PCDH15: variants seen among roughly 807,000 people sequenced by gnomAD.
PCDH15 encodes the protein protocadherin related 15, also known as protocadherin-15.
Under a neutral mutation model 178.5 loss-of-function variants are expected in PCDH15, and 129 were observed. That is an observed-to-expected ratio of 0.72 (90% confidence interval 0.63 to 0.84). The LOEUF (loss-of-function observed/expected upper bound fraction) is 0.84, where lower values mean the gene tolerates loss of function less well. Ranked by LOEUF, PCDH15 falls within the 40% of genes least tolerant of loss-of-function variation. PCDH15 has a pLI of 0.00. For synonymous variants in PCDH15, 800 were observed against 732.0 expected (o/e 1.09, Z -1.50); for missense variants, 2,230 against 2,099.9 (o/e 1.06, Z -1.21).
chr10:55,548,398 C>CA (rs1216551756), intron 2 of PCDH15, among the ~76,000 whole-genome samples: 1 of 152,030 alleles, frequency 6.6e-6, no homozygotes, highest in African/African-American at 2.4e-5. Flanking sequence ...TGCCTTGTTT[C>CA]AATCCCAAGG....
intron 35 of PCDH15, among the ~76,000 whole-genome samples, chr10:53,812,035 A>AT (rs530336795): frequency 3.9e-5 from 6 of 151,960 alleles, no homozygotes; most frequent in African/African-American, 1.2e-4. Context: ...TATCTACAGC[A>AT]TTTTTTTTCA....
chr10:55,200,559 A>C (rs770288887), intron 1 of PCDH15, among the ~76,000 whole-genome samples: 1 of 151,866 alleles, frequency 6.6e-6, no homozygotes, highest in Non-Finnish European at 1.5e-5. Context: ...ACTCTGGGGG[A>C]CTTTTGGGAA....
chr10:55,489,119 A>G (rs912725065), intron 2 of PCDH15, among the ~76,000 whole-genome samples: 2 of 151,574 alleles, frequency 1.3e-5, no homozygotes, highest in Non-Finnish European at 3.0e-5. Flanking sequence ...AACTTGAAAT[A>G]CTTAAACCAC....
intron 2 of PCDH15, among the ~76,000 whole-genome samples, chr10:55,623,260 G>A (rs964258586): frequency 2.6e-5 from 4 of 152,170 alleles, no homozygotes; most frequent in Admixed American, 6.5e-5. Context: ...TAACTAGGTC[G>A]TAGGACTGGA....
chr10:54,837,417 G>A (rs1048637744), intron 3 of PCDH15, among the ~76,000 whole-genome samples: 7 of 152,096 alleles, frequency 4.6e-5, no homozygotes, highest in African/African-American at 1.7e-4. Flanking sequence ...AACTCAAGTA[G>A]TATTAGAAAA....
chr10:54,957,959 G>T (rs1017971568), intron 2 of PCDH15, among the ~76,000 whole-genome samples: 3 of 151,506 alleles, frequency 2.0e-5, no homozygotes, highest in African/African-American at 7.3e-5. Flanking sequence ...CTCTCTACCA[G>T]GAAGAAAAAA....
At chr10:54,950,127 A>C (rs1838300691) in intron 2 of PCDH15, among the ~76,000 whole-genome samples, 1 of 152,070 alleles carries the variant, frequency 6.6e-6, no homozygotes, top group Admixed American at 6.6e-5. Context: ...ACTGCTGTAA[A>C]GAACTTCCTG....
chr10:54,237,064 A>G, intron 8 of PCDH15, 133 bp from the exon 9 acceptor site: 1 of 793,490 alleles, frequency 1.3e-6, no homozygotes, highest in South Asian at 1.4e-5. Context: ...TTTATGATCT[A>G]ATACCTTTTA....
intron 10 of PCDH15, among the ~76,000 whole-genome samples, chr10:54,198,647 G>A (rs1257631721): frequency 2.5e-5 from 3 of 120,044 alleles, no homozygotes; most frequent in East Asian, 2.1e-4. Flanking sequence ...GACTACAGGC[G>A]CCCGCCACTA....
intron 3 of PCDH15, among the ~76,000 whole-genome samples, chr10:54,825,316 T>C (rs1184476849): frequency 1.3e-5 from 2 of 149,914 alleles, no homozygotes; most frequent in East Asian, 2.0e-4. Context: ...CTATTGTGAA[T>C]AGTGCCGCAA....
intron 2 of PCDH15, among the ~76,000 whole-genome samples, chr10:55,362,486 A>T (rs1408635924): frequency 6.6e-6 from 1 of 152,142 alleles, no homozygotes; most frequent in Non-Finnish European, 1.5e-5. Context: ...GATCTAGACA[A>T]ACTTGGAGAA....
intron 1 of PCDH15, among the ~76,000 whole-genome samples, chr10:55,258,559 G>A (rs915464360): frequency 1.3e-5 from 2 of 151,978 alleles, no homozygotes; most frequent in African/African-American, 4.8e-5. Flanking sequence ...TTTTTCTTCT[G>A]AGGAGGCAAG....
At chr10:54,731,563 T>C (rs12415134) in intron 1 of PCDH15, among the ~76,000 whole-genome samples, 11,385 of 50,046 alleles carry the variant, frequency 0.23, 1,294 homozygotes, top group Middle Eastern at 0.34. Context: ...TATATATATA[T>C]ACACACACAC....
At chr10:53,821,444 C>CT in intron 32 of PCDH15, 4 of 1,012,592 alleles carry the variant, frequency 4.0e-6, no homozygotes, top group Non-Finnish European at 4.7e-6. Flanking sequence ...TCAGTTTTAA[C>CT]TTATTTGTAA....
intron 2 of PCDH15, among the ~76,000 whole-genome samples, chr10:55,035,081 T>C (rs1169065844): frequency 6.6e-6 from 1 of 152,188 alleles, no homozygotes; most frequent in Non-Finnish European, 1.5e-5. Flanking sequence ...AGATAGATAC[T>C]ATTTCAAATT....
At chr10:54,187,592 C>T (rs1255896677) in intron 11 of PCDH15, among the ~76,000 whole-genome samples, 1 of 151,814 alleles carries the variant, frequency 6.6e-6, no homozygotes, top group Admixed American at 6.6e-5. Context: ...TTAACTGTCT[C>T]AGTTTCTTGA....
intron 3 of PCDH15, 74 bp downstream of exon 3, chr10:54,527,738 A>G (rs2083490394): frequency 7.9e-7 from 1 of 1,267,742 alleles, no homozygotes; most frequent in African/African-American, 1.5e-5. Context: ...ACCTCTACTC[A>G]TAGTAGATTG....
chr10:55,517,467 T>C (rs1435978972), intron 2 of PCDH15, among the ~76,000 whole-genome samples: 1 of 152,134 alleles, frequency 6.6e-6, no homozygotes, highest in Non-Finnish European at 1.5e-5. Context: ...GCTTTTACTC[T>C]TACTCATAGT....
intron 2 of PCDH15, among the ~76,000 whole-genome samples, chr10:54,947,461 A>G (rs1838223811): frequency 6.6e-6 from 1 of 151,948 alleles, no homozygotes; most frequent in Non-Finnish European, 1.5e-5. Flanking sequence ...TTACATCGTT[A>G]TCCCATTTAA....
Sources: allele counts gnomAD v4.1 joint callset (sites outside exome capture counted in the v4.1 genomes callset), GRCh38; gene constraint gnomAD v4.1.1; transcripts MANE v1.5; gene names NCBI Gene and HGNC (gene_info 2026-07-23, HGNC 2026-07-21).